KAZN: variants seen among roughly 807,000 people sequenced by gnomAD.
KAZN encodes the protein kazrin.
Under a neutral mutation model 87.4 loss-of-function variants are expected in KAZN, and 40 were observed. The ratio of observed to expected loss-of-function variants is 0.46; its 90% CI spans 0.36 to 0.60. KAZN has a LOEUF of 0.60. Among genes scored for constraint, KAZN ranks in the 20% least tolerant of loss-of-function variants. The pLI, the probability that KAZN is intolerant of heterozygous loss-of-function variation, is 0.00. For synonymous variants in KAZN, 466 were observed against 458.3 expected (o/e 1.02, Z -0.22); for missense variants, 898 against 1,073.9 (o/e 0.84, Z 2.29).
intron 1 of KAZN, among the ~76,000 whole-genome samples, chr1:13,933,032 A>G (rs12035693): frequency 0.016 from 2,472 of 152,312 alleles, 63 homozygotes; most frequent in African/African-American, 0.055. Flanking sequence ...GAATGTTAAT[A>G]TCTAACATTC....
chr1:15,090,691 C>G (rs1249472825), intron 8 of KAZN, among the ~76,000 whole-genome samples: 1 of 152,250 alleles, frequency 6.6e-6, no homozygotes, highest in African/African-American at 2.4e-5. Flanking sequence ...AGGGCTTAGG[C>G]TCACTGAGAA....
At chr1:14,503,530 T>C (rs1670384222) in intron 2 of KAZN, among the ~76,000 whole-genome samples, 1 of 148,364 alleles carries the variant, frequency 6.7e-6, no homozygotes, top group South Asian at 2.2e-4. Flanking sequence ...GCTTACAGCA[T>C]ATCCTGGCTA....
At chr1:14,666,784 C>CTGGA in intron 1 of KAZN, among the ~76,000 whole-genome samples, 1 of 152,290 alleles carries the variant, frequency 6.6e-6, no homozygotes, top group East Asian at 1.9e-4. Context: ...TGTCGCCAAG[C>CTGGA]TGGAGTGCAG....
At chr1:14,984,412 A>G (rs1937133) in intron 2 of KAZN, among the ~76,000 whole-genome samples, 151,584 of 152,316 alleles carry the variant, frequency 1, 75,427 homozygotes, top group East Asian at 1. Context: ...TAGAGCAAAT[A>G]AGTAAATATA....
intron 2 of KAZN, among the ~76,000 whole-genome samples, chr1:14,505,029 G>A (rs1224024819): frequency 6.6e-6 from 1 of 152,194 alleles, no homozygotes; most frequent in African/African-American, 2.4e-5. Context: ...GCTCAGGAGG[G>A]AACTAGGGAT....
intron 2 of KAZN, among the ~76,000 whole-genome samples, chr1:14,273,277 G>C (rs1173875870): frequency 1.3e-5 from 2 of 152,042 alleles, no homozygotes; most frequent in Admixed American, 1.3e-4. Flanking sequence ...GGAAAGGTAT[G>C]AGTTGTCAAG....
At chr1:15,043,384 A>C (rs1348508749) in intron 3 of KAZN, among the ~76,000 whole-genome samples, 2 of 152,218 alleles carry the variant, frequency 1.3e-5, no homozygotes, top group African/African-American at 4.8e-5. Flanking sequence ...CTTTGAAACA[A>C]GTAGGATTGA....
chr1:14,479,888 G>T (rs74564230), intron 2 of KAZN, among the ~76,000 whole-genome samples: 4,382 of 152,262 alleles, frequency 0.029, 85 homozygotes, highest in Admixed American at 0.051. Flanking sequence ...AAGCTGAAAA[G>T]TGTGGAGCAT....
intron 2 of KAZN, among the ~76,000 whole-genome samples, chr1:14,391,762 T>C (rs990759591): frequency 1.3e-5 from 2 of 152,236 alleles, no homozygotes; most frequent in Non-Finnish European, 2.9e-5. Context: ...TTCAGGCTTT[T>C]GTTTATTCTC....
chr1:14,624,976 G>T (rs1362442640), intron 1 of KAZN, among the ~76,000 whole-genome samples: 1 of 152,084 alleles, frequency 6.6e-6, no homozygotes, highest in Non-Finnish European at 1.5e-5. Context: ...TTGATGAGGT[G>T]ATGTCTGGTT....
At chr1:13,950,646 T>C (rs1641310784) in intron 1 of KAZN, among the ~76,000 whole-genome samples, 1 of 152,152 alleles carries the variant, frequency 6.6e-6, no homozygotes, top group Non-Finnish European at 1.5e-5. Flanking sequence ...GGAGTTATTA[T>C]AACCCTCAGG....
intron 1 of KAZN, among the ~76,000 whole-genome samples, chr1:14,876,246 C>T (rs1408835274): frequency 1.3e-5 from 2 of 152,236 alleles, no homozygotes; most frequent in Non-Finnish European, 2.9e-5. Context: ...ACAATCACAG[C>T]CTCTGTTGTC....
At chr1:14,179,866 T>C (rs1646159262) in intron 1 of KAZN, among the ~76,000 whole-genome samples, 1 of 152,212 alleles carries the variant, frequency 6.6e-6, no homozygotes. Flanking sequence ...TCTTAAAATC[T>C]ATAACACATC....
At chr1:14,217,204 C>T (rs1646976666) in intron 2 of KAZN, among the ~76,000 whole-genome samples, 1 of 152,086 alleles carries the variant, frequency 6.6e-6, no homozygotes, top group African/African-American at 2.4e-5. Context: ...TTCCAGCCTT[C>T]AGAACTGTGG....
intron 2 of KAZN, among the ~76,000 whole-genome samples, chr1:14,410,354 G>A (rs976607820): frequency 1.3e-5 from 2 of 152,094 alleles, no homozygotes; most frequent in African/African-American, 2.4e-5. Flanking sequence ...CACCCACCTC[G>A]GCCTTCCAAA....
In KAZN at chr1:15,036,290, C is replaced by G. The variant is rs1481231085; in HGVS notation, c.555+1405C>G. The stretch of plus-strand genomic sequence containing the variant: ...CCCTGCCCTGCCTACCCAGCTCCCT[C>G]TGCCCTGCCCGCCCAGCTCCCTCTG... On this transcript the variant is annotated intron_variant, in intron 3 of 14. Transcript: ENST00000376030. 2.7e-5 allele frequency among the ~76,000 whole-genome samples: 4 copies of G among 145,972 alleles called. No individual in the cohort carries two copies. In the East Asian group the frequency reaches 6.1e-4, roughly 22 times the overall value.
At chr1:15,013,910 A>C (rs1669835711) in intron 2 of KAZN, among the ~76,000 whole-genome samples, 1 of 152,144 alleles carries the variant, frequency 6.6e-6, no homozygotes, top group Non-Finnish European at 1.5e-5. Context: ...TGGGAAGTGC[A>C]AAGGCCCCGT....
intron 1 of KAZN, among the ~76,000 whole-genome samples, chr1:14,039,213 T>C (rs1641697004): frequency 6.6e-6 from 1 of 151,682 alleles, no homozygotes; most frequent in African/African-American, 2.4e-5. Flanking sequence ...AATAGCTATT[T>C]GAGAACAACG....
At chr1:14,957,283 G>A (rs1473555139) in intron 1 of KAZN, among the ~76,000 whole-genome samples, 1 of 152,236 alleles carries the variant, frequency 6.6e-6, no homozygotes, top group Non-Finnish European at 1.5e-5. Flanking sequence ...GGGTCCAGGA[G>A]CACTAGCCTG....
Sources: gnomAD v4.1 joint callset for allele counts (sites outside exome capture counted in the v4.1 genomes callset) on GRCh38, gnomAD v4.1.1 for gene constraint, MANE v1.5 for transcripts, NCBI Gene and HGNC (gene_info 2026-07-23, HGNC 2026-07-21) for gene names.